The following GABBR2 variants were observed in gnomAD, a reference collection of about 807,000 sequenced individuals.
The protein encoded by GABBR2 is G-protein coupled receptor 51.
In GABBR2, 23 loss-of-function variants were observed where a neutral mutation model predicts 105.6. That is an observed-to-expected ratio of 0.22 (90% CI 0.16 to 0.31). The LOEUF (loss-of-function observed/expected upper bound fraction) is 0.31, where lower values mean the gene tolerates loss of function less well. GABBR2 is among the 10% of genes least tolerant of loss of function. The pLI is 1.00. For synonymous variants in GABBR2, 478 were observed against 499.7 expected (o/e 0.96, Z 0.58); for missense variants, 734 against 1,245.5 (o/e 0.59, Z 6.18).
chr9:98,583,520 A>T, intron 1 of GABBR2, among the ~76,000 whole-genome samples: 1 of 152,236 alleles, frequency 6.6e-6, no homozygotes, highest in Non-Finnish European at 1.5e-5. Context: ...GCTAGCAGCA[A>T]AAATGTTTGA....
intron 1 of GABBR2, among the ~76,000 whole-genome samples, chr9:98,652,564 C>CTCTA (rs1830123454): frequency 6.6e-6 from 1 of 152,212 alleles, no homozygotes; most frequent in Non-Finnish European, 1.5e-5. Context: ...CCTCCTCATG[C>CTCTA]TCTAGAAAAA....
At chr9:98,460,129 G>A (rs1046722013) in intron 6 of GABBR2, among the ~76,000 whole-genome samples, 1 of 152,220 alleles carries the variant, frequency 6.6e-6, no homozygotes, top group South Asian at 2.1e-4. Context: ...AAGGTTGGCG[G>A]GAATGGTGGC....
intron 7 of GABBR2, among the ~76,000 whole-genome samples, chr9:98,420,529 G>A (rs1832764886): frequency 6.6e-6 from 1 of 152,234 alleles, no homozygotes; most frequent in Admixed American, 6.5e-5. Flanking sequence ...GCCAGGTACT[G>A]GAGATACAAC....
intron 9 of GABBR2, among the ~76,000 whole-genome samples, chr9:98,393,029 C>T (rs963746424): frequency 4.9e-5 from 6 of 123,162 alleles, no homozygotes; most frequent in Non-Finnish European, 6.7e-5. Flanking sequence ...CATGCATCCA[C>T]CCATCCATCC....
At chr9:98,375,728 C>A (rs977349170) in intron 11 of GABBR2, among the ~76,000 whole-genome samples, 1 of 148,492 alleles carries the variant, frequency 6.7e-6, no homozygotes, top group Non-Finnish European at 1.5e-5. Flanking sequence ...CATATTCAAG[C>A]AAAGCTTGGA....
chr9:98,492,418 G>A (rs140092472), intron 4 of GABBR2, among the ~76,000 whole-genome samples: 1 of 115,896 alleles, frequency 8.6e-6, no homozygotes. Flanking sequence ...ACTATATACA[G>A]AGTTCCCATA....
Position 98,449,919 on chromosome 9 carries a change from T to G in GABBR2, c.1236+4062A>C, listed in dbSNP as rs115613381. On this transcript the variant is annotated intron_variant, in intron 7 of 18. Coordinates refer to ENST00000259455, the MANE Select transcript of GABBR2 (RefSeq NM_005458.8). ...TGGAATCCCACTTCAGAGTGTTCCCTGAGGAGAGTCACTGGGAGCAGAGCT... is the reference window on the plus strand; with the variant it reads ...TGGAATCCCACTTCAGAGTGTTCCCGGAGGAGAGTCACTGGGAGCAGAGCT... Among the ~76,000 whole-genome samples the G allele has an allele frequency of 5.7e-3, 870 of 152,254 alleles. 10 individuals are homozygous for G. The highest frequency in any genetic ancestry group is 0.02 in the African/African-American group (813 of 41,552).
chr9:98,447,814 G>A (rs1373335894), intron 7 of GABBR2, among the ~76,000 whole-genome samples: 1 of 152,024 alleles, frequency 6.6e-6, no homozygotes, highest in Admixed American at 6.6e-5. Flanking sequence ...TTGGTAGGGT[G>A]GGTGGTGGGG....
At chr9:98,696,162 C>A (rs185519081) in intron 1 of GABBR2, among the ~76,000 whole-genome samples, 1 of 152,150 alleles carries the variant, frequency 6.6e-6, no homozygotes, top group East Asian at 1.9e-4. Context: ...TTTGCCTAAT[C>A]GGGGAGGACA....
At chr9:98,559,814 C>T (rs1455529801) in intron 2 of GABBR2, among the ~76,000 whole-genome samples, 1 of 151,310 alleles carries the variant, frequency 6.6e-6, no homozygotes, top group African/African-American at 2.4e-5. Context: ...ACAGTACATC[C>T]ATACAAAGCA....
intron 13 of GABBR2, among the ~76,000 whole-genome samples, chr9:98,322,296 T>C (rs1345368978): frequency 2.6e-5 from 4 of 152,144 alleles, no homozygotes; most frequent in Non-Finnish European, 5.9e-5. Flanking sequence ...GACCAGAACC[T>C]GGCGTCTCTC....
At chr9:98,343,480 T>A (rs934600853) in intron 13 of GABBR2, among the ~76,000 whole-genome samples, 2 of 152,066 alleles carry the variant, frequency 1.3e-5, no homozygotes, top group Non-Finnish European at 2.9e-5. Context: ...TGGGAAAAAA[T>A]GAACAACCCT....
intron 7 of GABBR2, among the ~76,000 whole-genome samples, chr9:98,447,124 C>G (rs954631905): frequency 1.0e-4 from 11 of 109,248 alleles, no homozygotes; most frequent in Admixed American, 5.7e-4. Flanking sequence ...TGCAGTGGCG[C>G]AATCTCGGCT....
At chr9:98,474,315 A>C (rs1033360680) in intron 5 of GABBR2, among the ~76,000 whole-genome samples, 1 of 152,118 alleles carries the variant, frequency 6.6e-6, no homozygotes, top group Admixed American at 6.5e-5. Flanking sequence ...ATGCACCCCT[A>C]CTTGACTCTA....
chr9:98,356,039 T>C (rs771691146), intron 13 of GABBR2, among the ~76,000 whole-genome samples: 9 of 152,150 alleles, frequency 5.9e-5, no homozygotes, highest in Non-Finnish European at 7.3e-5. Context: ...CTTACACCTT[T>C]CACAAAATTT....
Position 98,419,331 on chromosome 9 carries a change from AGATAAAGTT to A in GABBR2, c.1237-13199_1237-13191del, listed in dbSNP as rs1158220829. ...TTGCAGTGTCTCCTAGGGTGTAAGG[AGATAAAGTT>A]GATATGATCTAAAGCTGGGCCCAGA... On this transcript the variant is annotated intron_variant, in intron 7 of 18. Transcript: ENST00000259455. Among the ~76,000 whole-genome samples the A allele has an allele frequency of 2.0e-5, 3 of 152,176 alleles. No individual in the cohort carries two copies. In the East Asian group the frequency reaches 5.8e-4, roughly 29 times the overall value.
chr9:98,656,199 C>A (rs1830181096), intron 1 of GABBR2, among the ~76,000 whole-genome samples: 1 of 151,992 alleles, frequency 6.6e-6, no homozygotes, highest in Non-Finnish European at 1.5e-5. Flanking sequence ...TGGCAGAGGG[C>A]AGGAGAAGTA....
intron 1 of GABBR2, among the ~76,000 whole-genome samples, chr9:98,657,249 A>T (rs1470605482): frequency 6.6e-6 from 1 of 152,258 alleles, no homozygotes; most frequent in African/African-American, 2.4e-5. Context: ...TTGCGGTTGC[A>T]AAGTGTTGTT....
Position 98,547,978 on chromosome 9 carries a change from C to T in GABBR2, c.460-5935G>A, listed in dbSNP as rs1828426269. Among the ~76,000 whole-genome samples, 2 of 121,460 alleles carry T rather than the reference C, an allele frequency of 1.6e-5. 1 individual carries two copies. The highest frequency in any genetic ancestry group is 3.7e-5 in the Non-Finnish European group (2 of 54,102). 79.7% of individuals were successfully genotyped at this position (121,460 alleles called of 152,430 possible). A position where few individuals can be genotyped will look rare whatever the true frequency, so the allele number is the denominator to read the frequency against. The stretch of plus-strand genomic sequence containing the variant: ...TGATCATCTCCCTTTTCGCCCCATC[C>T]TCCAATTGCAGGCTATTTCATGGAG... On this transcript the variant is annotated intron_variant, in intron 2 of 18. Coordinates refer to ENST00000259455, the MANE Select transcript of GABBR2 (RefSeq NM_005458.8).
Sources: gnomAD v4.1 joint callset for allele counts (sites outside exome capture counted in the v4.1 genomes callset) on GRCh38, gnomAD v4.1.1 for gene constraint, MANE v1.5 for transcripts, NCBI Gene and HGNC (gene_info 2026-07-23, HGNC 2026-07-21) for gene names.